Variants in C18orf54 observed in about 807,000 individuals in gnomAD.
C18orf54 encodes chromosome 18 open reading frame 54.
A neutral mutation model predicts 49.3 loss-of-function variants in C18orf54; 49 were observed. That is an observed-to-expected ratio of 0.99 (90% CI 0.79 to 1.26). The LOEUF (loss-of-function observed/expected upper bound fraction) is 1.26. Among genes scored for constraint, C18orf54 ranks in the 50% most tolerant of loss-of-function variants. The pLI, the probability that C18orf54 is intolerant of heterozygous loss-of-function variation, is 0.00. For synonymous variants in C18orf54, 211 were observed against 216.6 expected (o/e 0.97, Z 0.23); for missense variants, 687 against 620.6 (o/e 1.11, Z -1.14).
chr18:54,360,916 C>G lies in C18orf54; in HGVS notation c.283+61C>G. 29 of 1,453,074 alleles carry G rather than the reference C, an allele frequency of 2.0e-5. 1 individual carries two copies. The South Asian group carries it at 3.5e-4, about 18-fold the overall frequency. The allele number at this position is 1,453,074 out of a possible 1,614,324, so 90.0% of individuals were successfully genotyped here. ...TGTTTTGAAGCATTTGGGAGATGTA[C>G]TGTAGTATTGTAAAGTTTGACATTA... On this transcript the variant is annotated intron_variant, in intron 3 of 8. Transcript: ENST00000620105.
At chr18:54,367,893 C>T (rs891808830) in intron 6 of C18orf54, among the ~76,000 whole-genome samples, 1 of 151,904 alleles carries the variant, frequency 6.6e-6, no homozygotes, top group African/African-American at 2.4e-5. Context: ...ACTCTTTTTC[C>T]TTCTCTGACT....
intron 6 of C18orf54, among the ~76,000 whole-genome samples, chr18:54,367,871 T>C (rs576455175): frequency 6.6e-6 from 1 of 152,262 alleles, no homozygotes; most frequent in East Asian, 1.9e-4. Context: ...TTAAGTCTTG[T>C]AGGCTTTCTT....
intron 7 of C18orf54, among the ~76,000 whole-genome samples, chr18:54,373,743 T>G (rs545769473): frequency 1.5e-4 from 23 of 151,978 alleles, no homozygotes; most frequent in African/African-American, 4.3e-4. Context: ...GATGGCTCAT[T>G]GTTTTATTGT....
chr18:54,363,395 G>A (rs11662009), intron 5 of C18orf54, among the ~76,000 whole-genome samples: 27,152 of 152,040 alleles, frequency 0.18, 2,593 homozygotes, highest in Middle Eastern at 0.26. Context: ...TGGGCTCACT[G>A]CAACCTCCGC....
Position 54,362,404 on chromosome 18 carries a change from CCAGGACAATCCA to C in C18orf54, c.1048_1059del (p.Gly350_Thr353del). 1.3e-6 allele frequency: 2 copies of C among 1,524,020 alleles called. No homozygotes were observed. Among genetic ancestry groups the C allele is most frequent in the Non-Finnish European group, 1.8e-6 (2 of 1,140,506 alleles). The allele number at this position is 1,524,020 out of a possible 1,614,324, so 94.4% of individuals were successfully genotyped here. A position where few individuals can be genotyped will look rare whatever the true frequency, so the allele number is the denominator to read the frequency against. ...GTGTCAATGTGAGAATCCACTTCTC[CCAGGACAATCCA>C]CAAAGCCATTCAGTGGTAATACTTT... On this transcript the variant is annotated inframe_deletion, in exon 4 of 9. Coordinates refer to ENST00000620105, the MANE Select transcript of C18orf54 (RefSeq NM_001288980.2).
chr18:54,362,995 TAAAC>T (rs1370759697), intron 5 of C18orf54, 74 bp downstream of exon 5: 2 of 1,365,520 alleles, frequency 1.5e-6, no homozygotes, highest in Non-Finnish European at 2.0e-6. Flanking sequence ...GATTTATATT[TAAAC>T]GAACGGTAAT....
rs2089568500 is a variant in C18orf54, at chr18:54,376,275, G to C, written c.1530-1899G>C. Among the ~76,000 whole-genome samples the C allele has an allele frequency of 2.0e-5, 3 of 152,178 alleles. No homozygotes were observed. In the South Asian group the frequency reaches 6.2e-4, roughly 32 times the overall value. Reference sequence around the variant, plus strand: ...CCTTGTCTAGTCCCTTAAATACTCAGTTTTCTTATATTCTTCAATTAGAAA... The same window carrying C: ...CCTTGTCTAGTCCCTTAAATACTCACTTTTCTTATATTCTTCAATTAGAAA... On this transcript the variant is annotated intron_variant, in intron 8 of 8. Transcript: ENST00000620105.
In C18orf54 at chr18:54,361,503, C is replaced by T. The variant is rs182631510; in HGVS notation, c.284-140C>T. ...GCACATCCTGTTTTATCCACCTACACCTTTTTATGCTTTTAATCAAAGCTT... is the reference window on the plus strand; with the variant it reads ...GCACATCCTGTTTTATCCACCTACATCTTTTTATGCTTTTAATCAAAGCTT... On this transcript the variant is annotated intron_variant, in intron 3 of 8. Transcript: ENST00000620105. 1.7e-3 allele frequency: 1,192 copies of T among 698,026 alleles called. 1 individual carries two copies. The highest frequency in any genetic ancestry group is 3.2e-3 in the Admixed American group (94 of 29,710). The allele number at this position is 698,026 out of a possible 1,614,324, so 43.2% of individuals were successfully genotyped here. A position where few individuals can be genotyped will look rare whatever the true frequency, so the allele number is the denominator to read the frequency against.
intron 6 of C18orf54, among the ~76,000 whole-genome samples, chr18:54,366,743 T>C (rs2089393848): frequency 6.6e-6 from 1 of 152,026 alleles, no homozygotes; most frequent in African/African-American, 2.4e-5. Flanking sequence ...TGTGTCTGGC[T>C]GTGTGTGGTG....
chr18:54,374,394 A>G (rs766399474), intron 8 of C18orf54, 110 bp downstream of exon 8: 122 of 1,183,070 alleles, frequency 1.0e-4, no homozygotes, highest in Non-Finnish European at 1.3e-4. Flanking sequence ...TACTAGGCAT[A>G]TTTAAGCTTC....
At chr18:54,361,299 AT>A (rs2089264687) in intron 3 of C18orf54, among the ~76,000 whole-genome samples, 1 of 152,082 alleles carries the variant, frequency 6.6e-6, no homozygotes, top group Non-Finnish European at 1.5e-5. Context: ...TTAATAGCAT[AT>A]TTTTTTCTAT....
rs1011980776 is a variant in C18orf54 at position 54,366,337 on chromosome 18, A to G, written c.1326+516A>G. Among the ~76,000 whole-genome samples, 8 of 151,830 alleles carry G rather than the reference A, an allele frequency of 5.3e-5. No homozygotes were observed. The East Asian group carries it at 1.3e-3, about 26-fold the overall frequency. On this transcript the variant is annotated intron_variant, in intron 6 of 8. Coordinates refer to ENST00000620105, the MANE Select transcript of C18orf54 (RefSeq NM_001288980.2). ...AACCACTATTCTACTCTCTATTTCT[A>G]TGAGATCAGCTAGTAAGCTTTCCCA...
chr18:54,362,846 T>C lies in C18orf54; in HGVS notation c.1148T>C (p.Met383Thr), dbSNP rs1317959738. The C allele has an allele frequency of 1.2e-6, 2 of 1,612,456 alleles. No individual in the cohort carries two copies. Among genetic ancestry groups the C allele is most frequent in the Non-Finnish European group, 1.7e-6 (2 of 1,179,580 alleles). Residue 383 changes from methionine to threonine, a missense_variant, in exon 5 of 9, where the codon ATG becomes ACG. By Grantham distance (81) the Met-to-Thr change is moderately conservative. Coordinates refer to ENST00000620105, the MANE Select transcript of C18orf54 (RefSeq NM_001288980.2). Reference protein sequence around the residue: ...EQCTEELPKSMKKDDSPCSLD... With the variant: ...EQCTEELPKSTKKDDSPCSLD... ...TGTACTGAAGAATTACCAAAGTCCA[T>C]GAAAAAGGATGACAGTCCTTGCTCA...
At chr18:54,374,675 T>C (rs1027115037) in intron 8 of C18orf54, among the ~76,000 whole-genome samples, 1 of 151,848 alleles carries the variant, frequency 6.6e-6, no homozygotes. Flanking sequence ...ATTACAGAAA[T>C]CTAAAGTAGA....
rs866073111 is a variant in C18orf54, at chr18:54,360,690, T to C, written c.118T>C (p.Tyr40His). ...CTCTAATTCTGATGGCTCGTTTCAC[T>C]ATAAAGATAAGCTGTACAGATCTGC... ...NSSNSDGSFH[Y>H]KDKLYRSASQ... is the part of the protein sequence containing the mutation. The change falls in exon 3 of 9, where the codon TAT becomes CAT. Residue 40 changes from tyrosine (Y) to histidine (H), a missense_variant. Tyr to His is a moderately conservative substitution (Grantham distance 83, BLOSUM62 2). Transcript: ENST00000620105. The C allele has an allele frequency of 6.2e-7, 1 of 1,614,030 alleles. No homozygotes were observed.
At chr18:54,362,976 C>A (rs1319405088) in intron 5 of C18orf54, 55 bp downstream of exon 5, 3 of 1,474,002 alleles carry the variant, frequency 2.0e-6, no homozygotes, top group African/African-American at 1.4e-5. Context: ...AAATGTCATG[C>A]GAATATCTGA....
At chr18:54,367,460 A>C (rs867069348) in intron 6 of C18orf54, among the ~76,000 whole-genome samples, 1 of 151,930 alleles carries the variant, frequency 6.6e-6, no homozygotes, top group Non-Finnish European at 1.5e-5. Context: ...GAAAGAGTTT[A>C]TTTCTTTCAT....
At chr18:54,367,819 G>A (rs2089413827) in intron 6 of C18orf54, among the ~76,000 whole-genome samples, 1 of 151,938 alleles carries the variant, frequency 6.6e-6, no homozygotes, top group Admixed American at 6.6e-5. Flanking sequence ...TTCTCCTTGT[G>A]GAATTCCCAT....
chr18:54,361,425 G>C (rs2089266642), intron 3 of C18orf54, among the ~76,000 whole-genome samples: 1 of 152,146 alleles, frequency 6.6e-6, no homozygotes. Context: ...AAATTCAGGA[G>C]GTTGGAGAGA....
Sources: allele counts gnomAD v4.1 joint callset (sites outside exome capture counted in the v4.1 genomes callset), GRCh38; gene constraint gnomAD v4.1.1; transcripts MANE v1.5; gene names NCBI Gene and HGNC (gene_info 2026-07-23, HGNC 2026-07-21).